The following SEMA6A variants were observed in gnomAD, a reference collection of about 807,000 sequenced individuals.
SEMA6A encodes the protein semaphorin 6A.
A neutral mutation model predicts 96.8 loss-of-function variants in SEMA6A; 25 were observed. The observed-to-expected ratio is 0.26, with a 90% CI of 0.19 to 0.36. SEMA6A has a LOEUF of 0.36. Among genes scored for constraint, SEMA6A ranks in the 10% least tolerant of loss-of-function variants. The pLI, the probability that SEMA6A is intolerant of heterozygous loss-of-function variation, is 1.00. For missense variants in SEMA6A, 1,363 were observed against 1,323.1 expected (o/e 1.03, Z -0.47); for synonymous variants, 612 against 518.0 (o/e 1.18, Z -2.46).
intron 9 of SEMA6A, 139 bp downstream of exon 9, chr5:116,487,969 C>T: frequency 1.9e-6 from 1 of 529,326 alleles, no homozygotes; most frequent in East Asian, 3.1e-5. Context: ...TGTTCTGAAA[C>T]AGCAGATAGG....
intron 17 of SEMA6A, 156 bp from the exon 18 acceptor site, chr5:116,467,903 G>C: frequency 4.3e-6 from 3 of 691,636 alleles, no homozygotes; most frequent in Non-Finnish European, 7.2e-6. Flanking sequence ...TGGTGGTGGT[G>C]GTGGTGGTGG....
chr5:116,539,833 G>C (rs1188334069), intron 1 of SEMA6A, among the ~76,000 whole-genome samples: 1 of 151,842 alleles, frequency 6.6e-6, no homozygotes, highest in Non-Finnish European at 1.5e-5. Context: ...TTAACCTCTT[G>C]GTTTTTATAT....
chr5:116,488,923 A>AGGG lies in SEMA6A; in HGVS notation c.617_619dup (p.Thr206_Leu207insPro). ...TTTTGAATCGTGCTTGACGGTCCGC[A>AGGG]GGGTAGGGCTTTCTCCAAGACTCCG... On this transcript the variant is annotated inframe_insertion, in exon 8 of 19. Transcript: ENST00000343348. The AGGG allele has an allele frequency of 6.3e-7, 1 of 1,588,732 alleles. No homozygotes were observed. The highest frequency in any genetic ancestry group is 8.6e-7 in the Non-Finnish European group (1 of 1,166,502).
intron 18 of SEMA6A, among the ~76,000 whole-genome samples, chr5:116,450,246 T>C (rs1351534012): frequency 2.0e-5 from 3 of 152,008 alleles, no homozygotes; most frequent in Admixed American, 2.0e-4. Context: ...GCCCCAGTAA[T>C]GGGGTGGGGG....
chr5:116,552,693 G>T (rs1368478352), intron 1 of SEMA6A, among the ~76,000 whole-genome samples: 1 of 152,166 alleles, frequency 6.6e-6, no homozygotes, highest in African/African-American at 2.4e-5. Context: ...ATCTATTTCG[G>T]TGAAGGGACA....
intron 18 of SEMA6A, among the ~76,000 whole-genome samples, chr5:116,459,672 T>C (rs1407629298): frequency 6.6e-6 from 1 of 152,170 alleles, no homozygotes; most frequent in Non-Finnish European, 1.5e-5. Flanking sequence ...TGAAAGGTCT[T>C]TCCTGTGTCC....
At chr5:116,472,966 ATTAAAAAGAAACTT>A (rs1756241022) in intron 17 of SEMA6A, 93 bp downstream of exon 17, 2 of 1,517,098 alleles carry the variant, frequency 1.3e-6, no homozygotes, top group East Asian at 4.9e-5. Flanking sequence ...TAAAAAATTA[ATTAAAAAGAAACTT>A]AAGATTTGAA....
At chr5:116,463,661 T>G (rs1056086962) in intron 18 of SEMA6A, among the ~76,000 whole-genome samples, 1 of 152,206 alleles carries the variant, frequency 6.6e-6, no homozygotes, top group African/African-American at 2.4e-5. Context: ...CTGGACTAAA[T>G]GTAATAATGT....
At chr5:116,501,971 A>C (rs1030231367) in intron 3 of SEMA6A, among the ~76,000 whole-genome samples, 3 of 152,246 alleles carry the variant, frequency 2.0e-5, no homozygotes, top group Non-Finnish European at 2.9e-5. Context: ...CAAGATAAAC[A>C]GTGGATTATT....
intron 6 of SEMA6A, among the ~76,000 whole-genome samples, chr5:116,493,552 G>T (rs1757432934): frequency 6.6e-6 from 1 of 151,918 alleles, no homozygotes; most frequent in Admixed American, 6.6e-5. Flanking sequence ...ATTTTTTGGT[G>T]AACCCTTCTA....
chr5:116,552,049 C>T (rs927450783), intron 1 of SEMA6A, among the ~76,000 whole-genome samples: 14 of 150,990 alleles, frequency 9.3e-5, no homozygotes, highest in African/African-American at 3.4e-4. Flanking sequence ...AAGGAAAATA[C>T]AGGCATGCCA....
intron 1 of SEMA6A, among the ~76,000 whole-genome samples, chr5:116,563,608 G>A (rs912088735): frequency 9.2e-5 from 14 of 152,130 alleles, no homozygotes; most frequent in African/African-American, 3.4e-4. Context: ...TACACAAAAA[G>A]TACTTTTTAC....
intron 1 of SEMA6A, among the ~76,000 whole-genome samples, chr5:116,553,381 T>C (rs185657258): frequency 5.9e-5 from 9 of 152,234 alleles, no homozygotes; most frequent in African/African-American, 1.9e-4. Context: ...GGCTCACACT[T>C]GGTGTCATTA....
chr5:116,568,918 AAAAC>A (rs1446495814), intron 1 of SEMA6A, among the ~76,000 whole-genome samples: 1 of 152,256 alleles, frequency 6.6e-6, no homozygotes, highest in Non-Finnish European at 1.5e-5. Flanking sequence ...ATGATATAGA[AAAAC>A]AAAGGCAGAC....
chr5:116,545,072 C>T (rs1283655008), intron 1 of SEMA6A, among the ~76,000 whole-genome samples: 2 of 152,176 alleles, frequency 1.3e-5, no homozygotes, highest in Non-Finnish European at 2.9e-5. Flanking sequence ...CATCCTGACT[C>T]ATCCTAGTCA....
At chr5:116,474,629 C>T (rs1756360396) in intron 16 of SEMA6A, among the ~76,000 whole-genome samples, 1 of 152,124 alleles carries the variant, frequency 6.6e-6, no homozygotes, top group South Asian at 2.1e-4. Flanking sequence ...AGTTGAATGA[C>T]ACTTTAGAGT....
In SEMA6A at chr5:116,456,177, C is replaced by T. The variant is rs139183439; in HGVS notation, c.1895-8366G>A. On this transcript the variant is annotated intron_variant, in intron 18 of 18. Coordinates refer to ENST00000343348, the MANE Select transcript of SEMA6A (RefSeq NM_020796.5). ...CTTAAATAAGACAGCCCATCAGCAA[C>T]GTGGAAAATGTCTGAATCAGTGCCA... 5.1e-3 allele frequency among the ~76,000 whole-genome samples: 773 copies of T among 152,248 alleles called. 10 individuals carry two copies. Among genetic ancestry groups the T allele is most frequent in the African/African-American group, 0.017 (716 of 41,546 alleles).
intron 6 of SEMA6A, 111 bp from the exon 7 acceptor site, chr5:116,491,941 G>T: frequency 1.2e-6 from 1 of 830,590 alleles, no homozygotes; most frequent in South Asian, 1.5e-5. Context: ...TAATCACTTT[G>T]AGATGGACCC....
At chr5:116,498,718 ATTTG>A (rs986406604) in intron 3 of SEMA6A, 2 of 152,084 alleles carry the variant, frequency 1.3e-5, no homozygotes, top group African/African-American at 4.8e-5. Flanking sequence ...GTTTTATTGC[ATTTG>A]TTTATTACTT....
Sources: allele counts gnomAD v4.1 joint callset (sites outside exome capture counted in the v4.1 genomes callset), GRCh38; gene constraint gnomAD v4.1.1; transcripts MANE v1.5; gene names NCBI Gene and HGNC (gene_info 2026-07-23, HGNC 2026-07-21).